The following SCIN variants were observed in gnomAD, a reference collection of about 807,000 sequenced individuals.
The protein encoded by SCIN is scinderin, also known as adseverin.
In SCIN, 91 loss-of-function variants were observed where a neutral mutation model predicts 91.8. That is an observed-to-expected ratio of 0.99 (90% CI 0.84 to 1.18). The LOEUF (loss-of-function observed/expected upper bound fraction) is 1.18, where lower values mean the gene tolerates loss of function less well. SCIN is among the 50% of genes most tolerant of loss of function. SCIN has a pLI of 0.00. For missense variants in SCIN, 1,087 were observed against 863.9 expected (o/e 1.26, Z -3.24); for synonymous variants, 367 against 312.6 (o/e 1.17, Z -1.84).
chr7:12,578,701 T>C (rs895990605), intron 2 of SCIN, among the ~76,000 whole-genome samples: 2 of 152,012 alleles, frequency 1.3e-5, no homozygotes, highest in Admixed American at 6.6e-5. Context: ...ACTATACATG[T>C]ATTTCCAAAA....
At chr7:12,577,971 G>T in intron 1 of SCIN, 93 bp from the exon 2 acceptor site, 1 of 1,143,048 alleles carries the variant, frequency 8.7e-7, no homozygotes, top group Non-Finnish European at 1.2e-6. Flanking sequence ...ATACATAATT[G>T]AAATGAAAAT....
chr7:12,638,815 A>G (rs1248477883), intron 10 of SCIN, among the ~76,000 whole-genome samples: 2 of 152,204 alleles, frequency 1.3e-5, no homozygotes, highest in African/African-American at 2.4e-5. Context: ...CTTTTAATCA[A>G]TAAATTAATG....
rs973646195 is a variant in SCIN, at chr7:12,622,867, A to G, written c.733A>G (p.Asn245Asp). The change falls in exon 5 of 16, where the codon AAC (asparagine) becomes GAC (aspartate). Residue 245 changes from asparagine (N) to aspartate (D), a missense_variant. Physicochemically the swap from Asn to Asp is conservative, Grantham distance 23. Transcript: ENST00000297029. ...DDDDIIADISNRKMAKLYMVS... is the reference protein window; with the variant it reads ...DDDDIIADISDRKMAKLYMVS... ...TGATGACATTATAGCAGACATAAGT[A>G]ACAGGAAAATGGCTAAACTATACAT... 1 of 1,612,818 alleles carries G rather than the reference A, an allele frequency of 6.2e-7. No individual in the cohort carries two copies. Among genetic ancestry groups the G allele is most frequent in the Non-Finnish European group, 8.5e-7 (1 of 1,179,182 alleles).
intron 4 of SCIN, among the ~76,000 whole-genome samples, 163 bp from the exon 5 acceptor site, chr7:12,622,638 A>C (rs1321145255): frequency 6.6e-6 from 1 of 152,150 alleles, no homozygotes; most frequent in Non-Finnish European, 1.5e-5. Flanking sequence ...GATTTGGCCT[A>C]TATGAAAAGG....
In SCIN at chr7:12,653,335, A is replaced by AT; in HGVS notation, c.*624dup. 2 of 152,308 alleles carry AT rather than the reference A, an allele frequency of 1.3e-5. No individual in the cohort carries two copies. Among genetic ancestry groups the AT allele is most frequent in the East Asian group, 3.9e-4 (2 of 5,174 alleles). 9.4% of individuals were successfully genotyped at this position (152,308 alleles called of 1,614,324 possible). On this transcript the variant is annotated 3_prime_UTR_variant, in exon 16 of 16. Transcript: ENST00000297029. The surrounding 1 kb of genome is among the most constrained non-coding windows in gnomAD (Gnocchi z 4.1). ...TCTAGAAAGATTTGTCAGATAGGAA[A>AT]TTTTATAATGCATTAGCCATTAGTC...
intron 9 of SCIN, 107 bp from the exon 10 acceptor site, chr7:12,635,938 C>T (rs997794376): frequency 2.7e-5 from 21 of 787,740 alleles, no homozygotes; most frequent in African/African-American, 5.2e-5. Context: ...TAAAACAGTT[C>T]GCTTCTTCTT....
rs1316203905 is a variant in SCIN, at chr7:12,658,778, T to C, written c.*6063T>C. On this transcript the variant is annotated 3_prime_UTR_variant, in exon 16 of 16. Coordinates refer to ENST00000297029, the MANE Select transcript of SCIN (RefSeq NM_001112706.3). ...TCCTATCATTTATTTTAGATACAGA[T>C]AGCATTAGAGTTTATCAGTAAAGTT... 6.6e-6 allele frequency: 1 copy of C among 152,180 alleles called. No homozygotes were observed. The highest frequency in any genetic ancestry group is 2.4e-5 in the African/African-American group (1 of 41,426). The allele number at this position is 152,180 out of a possible 1,614,324, so 9.4% of individuals were successfully genotyped here. A position where few individuals can be genotyped will look rare whatever the true frequency, so the allele number is the denominator to read the frequency against.
chr7:12,572,237 T>A (rs1341760555), intron 1 of SCIN, among the ~76,000 whole-genome samples: 1 of 152,190 alleles, frequency 6.6e-6, no homozygotes, highest in Non-Finnish European at 1.5e-5. Context: ...GAGTCAAAAA[T>A]TTGTGTTAGC....
At chr7:12,600,410 G>T (rs537241592) in intron 3 of SCIN, among the ~76,000 whole-genome samples, 1 of 152,076 alleles carries the variant, frequency 6.6e-6, no homozygotes. Context: ...TAAACTGCTC[G>T]GGTGATGGGA....
chr7:12,646,511 G>A (rs1783968536), intron 13 of SCIN, among the ~76,000 whole-genome samples: 1 of 152,160 alleles, frequency 6.6e-6, no homozygotes, highest in Admixed American at 6.6e-5. Context: ...GTTTAGCATA[G>A]GAATTCTGGA....
chr7:12,572,807 A>G (rs1782295602), intron 1 of SCIN, among the ~76,000 whole-genome samples: 1 of 152,230 alleles, frequency 6.6e-6, no homozygotes, highest in South Asian at 2.1e-4. Context: ...GTTAATAACA[A>G]GCAAATTCAT....
intron 11 of SCIN, among the ~76,000 whole-genome samples, chr7:12,641,343 A>G (rs1250255708): frequency 2.0e-5 from 3 of 152,032 alleles, no homozygotes; most frequent in African/African-American, 7.2e-5. Flanking sequence ...CAGCCCTCTC[A>G]AGTGGAACTT....
chr7:12,635,629 A>AAAAAAAAAAAAAAAAAC (rs1783734431), intron 9 of SCIN, among the ~76,000 whole-genome samples: 1 of 147,332 alleles, frequency 6.8e-6, no homozygotes, highest in African/African-American at 2.5e-5. Context: ...AAAAAAAAAA[A>AAAAAAAAAAAAAAAAAC]AAAAAAAAAA....
chr7:12,614,573 C>T (rs1783261699), intron 4 of SCIN, among the ~76,000 whole-genome samples: 2 of 152,134 alleles, frequency 1.3e-5, no homozygotes, highest in Non-Finnish European at 1.5e-5. Flanking sequence ...TAAAGTGAGA[C>T]AACATTTTGT....
Position 12,645,919 on chromosome 7 carries a change from A to G in SCIN, c.1881+1214A>G, listed in dbSNP as rs79770945. On this transcript the variant is annotated intron_variant, in intron 13 of 15. Coordinates refer to ENST00000297029, the MANE Select transcript of SCIN (RefSeq NM_001112706.3). ...AATATATATGTGGCTAGATGTGTTAATTTAATAATTTGGCATTTTCTGTGG... is the reference window on the plus strand; with the variant it reads ...AATATATATGTGGCTAGATGTGTTAGTTTAATAATTTGGCATTTTCTGTGG... 9.3e-3 allele frequency among the ~76,000 whole-genome samples: 1,415 copies of G among 152,306 alleles called. 21 individuals are homozygous for G. The highest frequency in any genetic ancestry group is 0.033 in the African/African-American group (1,361 of 41,552).
intron 12 of SCIN, 46 bp from the exon 13 acceptor site, chr7:12,644,538 A>G (rs2115298340): frequency 1.9e-6 from 3 of 1,603,834 alleles, no homozygotes; most frequent in Middle Eastern, 1.7e-4. Flanking sequence ...GACAGCAAGC[A>G]TATGTCCCTG....
At chr7:12,576,592 C>CT (rs1182596746) in intron 1 of SCIN, among the ~76,000 whole-genome samples, 3 of 152,052 alleles carry the variant, frequency 2.0e-5, no homozygotes, top group Admixed American at 2.0e-4. Context: ...ATTAACATAC[C>CT]TTGTCACTAT....
chr7:12,603,293 C>T (rs1484615646), intron 3 of SCIN, among the ~76,000 whole-genome samples: 6 of 151,924 alleles, frequency 3.9e-5, no homozygotes, highest in Non-Finnish European at 5.9e-5. Context: ...TACAGGTGCC[C>T]GCCACTACAC....
chr7:12,652,569 T>C lies in SCIN; in HGVS notation c.2021-19T>C, dbSNP rs371613206. 3 of 1,610,234 alleles carry C rather than the reference T, an allele frequency of 1.9e-6. No homozygotes were observed. The African/African-American group carries it at 4.0e-5, about 22-fold the overall frequency. On this transcript the variant is annotated intron_variant, in intron 15 of 15. Coordinates refer to ENST00000297029, the MANE Select transcript of SCIN (RefSeq NM_001112706.3). ...AACCCAAACTAACTGAATTTATATGTCTTTACAACTTTTTTTAGCCAAAAT... is the reference window on the plus strand; with the variant it reads ...AACCCAAACTAACTGAATTTATATGCCTTTACAACTTTTTTTAGCCAAAAT...
Sources: gnomAD v4.1 joint callset for allele counts (sites outside exome capture counted in the v4.1 genomes callset) on GRCh38, gnomAD v4.1.1 for gene constraint, Gnocchi (gnomAD v3.1) non-coding constraint, MANE v1.5 for transcripts, NCBI Gene and HGNC (gene_info 2026-07-23, HGNC 2026-07-21) for gene names.